Variants in BMPR2 observed in about 807,000 individuals in gnomAD.
BMPR2 encodes the protein bone morphogenetic protein receptor type 2, also known as bone morphogenetic protein receptor type-2.
Under a neutral mutation model 100.8 loss-of-function variants are expected in BMPR2, and 29 were observed. The observed-to-expected ratio is 0.29, with a 90% confidence interval of 0.21 to 0.39. The LOEUF is 0.39. Among genes scored for constraint, BMPR2 ranks in the 10% least tolerant of loss-of-function variants. The pLI is 1.00. For missense variants in BMPR2, 1,011 were observed against 1,274.5 expected, an observed-to-expected ratio of 0.79 and a Z score of 3.15; for synonymous variants, 382 against 442.3, an observed-to-expected ratio of 0.86 and a Z score of 1.71.
intron 9 of BMPR2, among the ~76,000 whole-genome samples, chr2:202,536,889 A>G (rs1261723246): frequency 6.6e-6 from 1 of 151,618 alleles, no homozygotes; most frequent in African/African-American, 2.4e-5. Flanking sequence ...AAAAAAAAAA[A>G]AGAAGTACTT....
chr2:202,438,458 T>C (rs1391948316), intron 1 of BMPR2, among the ~76,000 whole-genome samples: 1 of 150,690 alleles, frequency 6.6e-6, no homozygotes, highest in African/African-American at 2.5e-5. Flanking sequence ...ACAGAAGTTT[T>C]AAATTTTGTT....
rs1373261101 is a variant in BMPR2 at position 202,555,956 on chromosome 2, A to C, written c.2291A>C (p.Asn764Thr). The C allele has an allele frequency of 6.2e-7, 1 of 1,614,172 alleles. No individual in the cohort carries two copies. The highest frequency in any genetic ancestry group is 8.5e-7 in the Non-Finnish European group (1 of 1,180,016). The change falls in exon 12 of 13, where the codon AAT becomes ACT. Residue 764 changes from asparagine (N) to threonine (T), a missense_variant. This residue lies in a region of BMPR2 where 508 missense variants were observed against 552.0 expected (regional missense o/e 0.92). Coordinates refer to ENST00000374580, the MANE Select transcript of BMPR2 (RefSeq NM_001204.7). The part of the protein sequence containing the change: ...RPTSLPLNTK[N>T]STKEPRLKFG... ...ACTAGTTTGCCTTTGAACACCAAAA[A>C]TTCAACAAAAGAGCCCCGGCTAAAA...
chr2:202,463,613 A>C (rs1021803605), intron 1 of BMPR2, among the ~76,000 whole-genome samples: 4 of 152,234 alleles, frequency 2.6e-5, no homozygotes, highest in African/African-American at 9.6e-5. Flanking sequence ...CACATTAGGA[A>C]AGCCTACTGT....
At chr2:202,550,374 C>CAAAA (rs71035016) in intron 10 of BMPR2, among the ~76,000 whole-genome samples, 2 of 94,276 alleles carry the variant, frequency 2.1e-5, no homozygotes, top group Non-Finnish European at 4.3e-5. Flanking sequence ...CTCCTATCTC[C>CAAAA]AAAAAAAAAA....
chr2:202,416,932 G>A (rs1691142414), intron 1 of BMPR2, among the ~76,000 whole-genome samples: 1 of 150,994 alleles, frequency 6.6e-6, no homozygotes, highest in Non-Finnish European at 1.5e-5. Flanking sequence ...TGCCTCCTGG[G>A]TTCACACGAT....
In BMPR2 at chr2:202,433,277, A is replaced by G. The variant is rs905300080; in HGVS notation, c.77-31532A>G. Among the ~76,000 whole-genome samples the G allele has an allele frequency of 1.7e-4, 26 of 150,566 alleles. 1 individual carries two copies. The highest frequency in any genetic ancestry group is 5.8e-4 in the African/African-American group (23 of 39,934). On this transcript the variant is annotated intron_variant, in intron 1 of 12. Coordinates refer to ENST00000374580, the MANE Select transcript of BMPR2 (RefSeq NM_001204.7). Reference sequence around the variant, plus strand: ...GATAGGTAGGTAGGTAGGTAGGTAGATAGATATATGTATAGATAGATACAC... The same window carrying G: ...GATAGGTAGGTAGGTAGGTAGGTAGGTAGATATATGTATAGATAGATACAC...
chr2:202,527,283 C>T lies in BMPR2; in HGVS notation c.968-3511C>T, dbSNP rs192555504. 2.1e-4 allele frequency among the ~76,000 whole-genome samples: 32 copies of T among 151,660 alleles called. No homozygotes were observed. In the East Asian group the frequency reaches 5.5e-3, roughly 26 times the overall value. On this transcript the variant is annotated intron_variant, in intron 7 of 12. Coordinates refer to ENST00000374580, the MANE Select transcript of BMPR2 (RefSeq NM_001204.7). ...TGGGTGGATCGTGAGGTCAAGAAATCGAAACCATTCTGGCCAACATGTGAA... is the reference window on the plus strand; with the variant it reads ...TGGGTGGATCGTGAGGTCAAGAAATTGAAACCATTCTGGCCAACATGTGAA...
intron 1 of BMPR2, among the ~76,000 whole-genome samples, chr2:202,415,029 G>T (rs1691095805): frequency 6.6e-6 from 1 of 152,010 alleles, no homozygotes; most frequent in African/African-American, 2.4e-5. Context: ...ACCGTGCCCA[G>T]CCCCCTCAGT....
At chr2:202,521,481 T>C (rs966741262) in intron 7 of BMPR2, among the ~76,000 whole-genome samples, 1 of 151,814 alleles carries the variant, frequency 6.6e-6, no homozygotes, top group Non-Finnish European at 1.5e-5. Context: ...CTGGGAGGAT[T>C]GTTTGAGCCT....
Position 202,503,769 on chromosome 2 carries a change from G to A in BMPR2, c.419-9950G>A, listed in dbSNP as rs1451332266. ...TGAGGAGTGTGAGCGCACGGTGTGG[G>A]ACTGGCAGGCAGCTCCACCTGCAGC... On this transcript the variant is annotated intron_variant, in intron 3 of 12. Coordinates refer to ENST00000374580, the MANE Select transcript of BMPR2 (RefSeq NM_001204.7). This position sits in a 1 kb window ranked among gnomAD's most constrained non-coding sequence, Gnocchi z 4.0. 1.3e-5 allele frequency among the ~76,000 whole-genome samples: 2 copies of A among 152,218 alleles called. No individual in the cohort carries two copies. Among genetic ancestry groups the A allele is most frequent in the East Asian group, 3.9e-4 (2 of 5,192 alleles).
At chr2:202,420,919 TAGAA>T (rs1353035595) in intron 1 of BMPR2, among the ~76,000 whole-genome samples, 3 of 151,944 alleles carry the variant, frequency 2.0e-5, no homozygotes, top group East Asian at 3.9e-4. Context: ...AGGTCCAACT[TAGAA>T]GGAACAAAAA....
chr2:202,469,937 T>C (rs569871285), intron 3 of BMPR2, among the ~76,000 whole-genome samples: 11 of 152,310 alleles, frequency 7.2e-5, no homozygotes, highest in African/African-American at 1.9e-4. Flanking sequence ...AGACGTGATA[T>C]AAAGGATGGA....
At chr2:202,441,551 A>C (rs1183497752) in intron 1 of BMPR2, among the ~76,000 whole-genome samples, 2 of 146,628 alleles carry the variant, frequency 1.4e-5, no homozygotes, top group African/African-American at 2.6e-5. Flanking sequence ...AAAAAAAAAA[A>C]ACAACAAAAA....
chr2:202,502,656 CT>C, intron 3 of BMPR2, among the ~76,000 whole-genome samples: 1 of 152,306 alleles, frequency 6.6e-6, no homozygotes, highest in Non-Finnish European at 1.5e-5. Context: ...CAAATAGACT[CT>C]TTGGCAGCAG....
intron 4 of BMPR2, among the ~76,000 whole-genome samples, chr2:202,514,126 A>T (rs1272983728): frequency 2.6e-5 from 4 of 151,830 alleles, no homozygotes; most frequent in East Asian, 3.9e-4. Context: ...TTTTTTTAAA[A>T]TTTATTTTAT....
intron 7 of BMPR2, among the ~76,000 whole-genome samples, chr2:202,526,774 GC>G (rs1342718094): frequency 1.3e-5 from 2 of 152,318 alleles, no homozygotes; most frequent in Admixed American, 6.5e-5. Context: ...TGAAACATTA[GC>G]TAATGTTACC....
chr2:202,469,888 T>C (rs528216465), intron 3 of BMPR2, among the ~76,000 whole-genome samples: 20 of 152,308 alleles, frequency 1.3e-4, no homozygotes, highest in Non-Finnish European at 2.9e-5. Flanking sequence ...ATTCAAGTGA[T>C]TTATAAGCAC....
At chr2:202,404,405 A>G (rs1243289862) in intron 1 of BMPR2, among the ~76,000 whole-genome samples, 2 of 152,134 alleles carry the variant, frequency 1.3e-5, no homozygotes, top group Non-Finnish European at 2.9e-5. Flanking sequence ...CATGTTGGCC[A>G]GGCTGGTCTC....
intron 12 of BMPR2, among the ~76,000 whole-genome samples, chr2:202,557,695 T>C (rs1389512935): frequency 1.3e-5 from 2 of 152,058 alleles, no homozygotes; most frequent in Non-Finnish European, 2.9e-5. Context: ...AGCCATTTGG[T>C]TGGGCCTCAA....
Sources: gnomAD v4.1 joint callset for allele counts (sites outside exome capture counted in the v4.1 genomes callset) on GRCh38, gnomAD v4.1.1 for gene constraint, gnomAD v4.1.1 regional missense constraint, Gnocchi (gnomAD v3.1) non-coding constraint, MANE v1.5 for transcripts, NCBI Gene and HGNC (gene_info 2026-07-23, HGNC 2026-07-21) for gene names.